The following DIP2B variants were observed in gnomAD, a reference collection of about 807,000 sequenced individuals.
DIP2B encodes the protein DIP2 acetate--CoA ligase B (putative), also known as disco-interacting protein 2 homolog B.
A neutral mutation model predicts 198.0 loss-of-function variants in DIP2B; 76 were observed. The observed-to-expected ratio is 0.38, with a 90% CI of 0.32 to 0.46. DIP2B has a LOEUF of 0.46. DIP2B is among the 20% of genes least tolerant of loss of function. The pLI, the probability that DIP2B is intolerant of heterozygous loss-of-function variation, is 0.99. For missense variants in DIP2B, 1,559 were observed against 1,978.4 expected, an observed-to-expected ratio of 0.79 and a Z score of 4.02; for synonymous variants, 701 against 739.1, an observed-to-expected ratio of 0.95 and a Z score of 0.84.
intron 32 of DIP2B, 47 bp from the exon 33 acceptor site, chr12:50,734,088 A>G: frequency 6.3e-7 from 1 of 1,599,434 alleles, no homozygotes; most frequent in Non-Finnish European, 8.6e-7. Context: ...AATGTGAAAT[A>G]CAGTTTATCG....
At chr12:50,680,560 T>C in intron 8 of DIP2B, 112 bp from the exon 9 acceptor site, 1 of 924,750 alleles carries the variant, frequency 1.1e-6, no homozygotes, top group Non-Finnish European at 1.7e-6. Context: ...AACCCATCAT[T>C]TGGAAGTGGC....
At chr12:50,735,969 T>C (rs915731652) in intron 34 of DIP2B, among the ~76,000 whole-genome samples, 2 of 152,154 alleles carry the variant, frequency 1.3e-5, no homozygotes, top group Admixed American at 6.5e-5. Flanking sequence ...AAGAGAGATT[T>C]AGTGAGAAGC....
chr12:50,553,796 G>A (rs537008584), intron 1 of DIP2B, among the ~76,000 whole-genome samples: 25 of 152,208 alleles, frequency 1.6e-4, no homozygotes, highest in African/African-American at 6.0e-4. Flanking sequence ...TAGGACTACA[G>A]CATGTGCCTT....
intron 12 of DIP2B, among the ~76,000 whole-genome samples, chr12:50,687,656 T>C (rs950713413): frequency 6.6e-6 from 1 of 152,014 alleles, no homozygotes; most frequent in African/African-American, 2.4e-5. Context: ...ACACTGCATG[T>C]TCTCACTTAT....
chr12:50,628,839 A>G lies in DIP2B; in HGVS notation c.172+2792A>G, dbSNP rs1346591836. Among the ~76,000 whole-genome samples the G allele has an allele frequency of 2.0e-5, 3 of 152,042 alleles. No individual in the cohort carries two copies. In the East Asian group the frequency reaches 5.8e-4, roughly 29 times the overall value. ...GTAGTATTCAGCACCCTGTCTCTCA[A>G]AACTCTTATTTTGAATCTCTCTTCT... On this transcript the variant is annotated intron_variant, in intron 2 of 37. Coordinates refer to ENST00000301180, the MANE Select transcript of DIP2B (RefSeq NM_173602.3).
Position 50,660,153 on chromosome 12 carries a change from A to G in DIP2B, c.302-41A>G, listed in dbSNP as rs17124837. On this transcript the variant is annotated intron_variant, in intron 3 of 37. Transcript: ENST00000301180. ...TCAGCTCACAGTGGTAAACACTTTCAAGAGCCGGAAGCTAATAAATGCAAA... is the reference window on the plus strand; with the variant it reads ...TCAGCTCACAGTGGTAAACACTTTCGAGAGCCGGAAGCTAATAAATGCAAA... 925 of 1,561,516 alleles carry G rather than the reference A, an allele frequency of 5.9e-4. 8 individuals carry two copies. The African/African-American group carries it at 0.011, about 19-fold the overall frequency.
At chr12:50,522,414 C>T (rs1050180154) in intron 1 of DIP2B, among the ~76,000 whole-genome samples, 1 of 152,162 alleles carries the variant, frequency 6.6e-6, no homozygotes, top group African/African-American at 2.4e-5. Context: ...GCTCAGGGTA[C>T]AAGACGGGAA....
intron 1 of DIP2B, among the ~76,000 whole-genome samples, chr12:50,612,261 A>G (rs1959038377): frequency 6.6e-6 from 1 of 152,084 alleles, no homozygotes; most frequent in Non-Finnish European, 1.5e-5. Context: ...AGAAAAGCAG[A>G]TAGGGAAATA....
intron 3 of DIP2B, among the ~76,000 whole-genome samples, chr12:50,653,235 C>T (rs987323640): frequency 3.4e-5 from 5 of 149,144 alleles, no homozygotes; most frequent in African/African-American, 7.4e-5. Flanking sequence ...TTTCATGATT[C>T]GGTCTTGTTA....
chr12:50,723,109 CAT>C (rs1939871252), intron 26 of DIP2B, 91 bp from the exon 27 acceptor site: 1 of 1,516,888 alleles, frequency 6.6e-7, no homozygotes, highest in Non-Finnish European at 9.0e-7. Flanking sequence ...CTGTCTGGCA[CAT>C]GATTTAATTG....
chr12:50,684,996 A>G (rs1000805458), intron 10 of DIP2B, among the ~76,000 whole-genome samples: 2 of 151,754 alleles, frequency 1.3e-5, no homozygotes, highest in African/African-American at 4.8e-5. Context: ...GGAGATTGAA[A>G]CAGAAGAATA....
chr12:50,538,082 G>A (rs1262893297), intron 1 of DIP2B, among the ~76,000 whole-genome samples: 1 of 152,122 alleles, frequency 6.6e-6, no homozygotes, highest in Non-Finnish European at 1.5e-5. Flanking sequence ...TCTTCATAGG[G>A]CTAAGGGAAA....
chr12:50,542,277 A>T (rs554663548), intron 1 of DIP2B, among the ~76,000 whole-genome samples: 2 of 151,954 alleles, frequency 1.3e-5, no homozygotes, highest in Non-Finnish European at 2.9e-5. Context: ...AAAAAAAAGA[A>T]AAAAGAAAAT....
At position 50,699,157 on chromosome 12, in the gene DIP2B, C is replaced by A; in HGVS notation, c.2280C>A (p.Gly760=). The A allele has an allele frequency of 6.2e-7, 1 of 1,614,160 alleles. No homozygotes were observed. Among genetic ancestry groups the A allele is most frequent in the Non-Finnish European group, 8.5e-7 (1 of 1,180,022 alleles). The change falls in exon 19 of 38, where the codon GGC becomes GGA. Residue 760 remains glycine (G), a synonymous_variant. Coordinates refer to ENST00000301180, the MANE Select transcript of DIP2B (RefSeq NM_173602.3). ...TCTGTGTTAGCTCCAGAACTGGAGGCATGATGTACTTTGGGCTTGCTGGTG... is the reference window on the plus strand; with the variant it reads ...TCTGTGTTAGCTCCAGAACTGGAGGAATGATGTACTTTGGGCTTGCTGGTG... ...GEICVSSRTG[G]MMYFGLAGVT... is the part of the protein sequence containing the mutation.
At chr12:50,540,227 C>T (rs1484419919) in intron 1 of DIP2B, among the ~76,000 whole-genome samples, 1 of 150,622 alleles carries the variant, frequency 6.6e-6, no homozygotes, top group African/African-American at 2.4e-5. Context: ...TCTGCCTCAG[C>T]CTCCCGAGTA....
intron 1 of DIP2B, among the ~76,000 whole-genome samples, chr12:50,603,349 A>G (rs1385926142): frequency 1.3e-5 from 2 of 152,112 alleles, no homozygotes; most frequent in Non-Finnish European, 2.9e-5. Flanking sequence ...AGGAACTGGG[A>G]AGAAAAAATA....
At chr12:50,691,002 AT>A in intron 12 of DIP2B, 46 bp from the exon 13 acceptor site, 1 of 1,543,380 alleles carries the variant, frequency 6.5e-7, no homozygotes, top group Non-Finnish European at 8.9e-7. Context: ...GTCATCTGAA[AT>A]AACCCATTTT....
intron 1 of DIP2B, among the ~76,000 whole-genome samples, chr12:50,524,263 C>T (rs971429669): frequency 6.6e-6 from 1 of 152,152 alleles, no homozygotes; most frequent in African/African-American, 2.4e-5. Flanking sequence ...GGTGGTGTCC[C>T]AGCTTTCTTC....
chr12:50,736,097 G>C (rs921806863), intron 34 of DIP2B, among the ~76,000 whole-genome samples: 2 of 152,202 alleles, frequency 1.3e-5, no homozygotes, highest in African/African-American at 4.8e-5. Flanking sequence ...CTGAAGGGCA[G>C]TGAAAAAATT....
Sources: gnomAD v4.1 joint callset for allele counts (sites outside exome capture counted in the v4.1 genomes callset) on GRCh38, gnomAD v4.1.1 for gene constraint, MANE v1.5 for transcripts, NCBI Gene and HGNC (gene_info 2026-07-23, HGNC 2026-07-21) for gene names.